The following ETV6 variants were observed in gnomAD, a reference collection of about 807,000 sequenced individuals.
ETV6 encodes ETS variant transcription factor 6, also known as transcription factor ETV6.
In ETV6, 16 loss-of-function variants were observed where a neutral mutation model predicts 51.1. The ratio of observed to expected loss-of-function variants is 0.31; its 90% CI spans 0.21 to 0.48. ETV6 has a LOEUF of 0.48. Among genes scored for constraint, ETV6 ranks in the 20% least tolerant of loss-of-function variants. The pLI, the probability that ETV6 is intolerant of heterozygous loss-of-function variation, is 0.99. For missense variants in ETV6, 458 were observed against 594.8 expected (o/e 0.77, Z 2.39); for synonymous variants, 240 against 224.1 (o/e 1.07, Z -0.64).
At chr12:11,776,976 C>T (rs1011859290) in intron 2 of ETV6, among the ~76,000 whole-genome samples, 1 of 152,180 alleles carries the variant, frequency 6.6e-6, no homozygotes, top group Non-Finnish European at 1.5e-5. Context: ...CAGTGGCTCA[C>T]GCCTGTAATC....
At chr12:11,781,326 C>T (rs1945410723) in intron 2 of ETV6, among the ~76,000 whole-genome samples, 1 of 152,188 alleles carries the variant, frequency 6.6e-6, no homozygotes, top group Non-Finnish European at 1.5e-5. Context: ...AAGTACTTCC[C>T]TGCCCCCTTT....
In ETV6 at chr12:11,817,990, G is replaced by A. The variant is rs923039942; in HGVS notation, c.164-21150G>A. Among the ~76,000 whole-genome samples the A allele has an allele frequency of 3.9e-5, 6 of 152,182 alleles. No homozygotes were observed. The East Asian group carries it at 9.6e-4, about 24-fold the overall frequency. On this transcript the variant is annotated intron_variant, in intron 2 of 7. Coordinates refer to ENST00000396373, the MANE Select transcript of ETV6 (RefSeq NM_001987.5). ...ATGTGAGTTTCCACATGCAAGGAGG[G>A]AGGAAAAGCATGTTGCAGACAGACG...
chr12:11,712,284 C>T (rs1289848679), intron 1 of ETV6, among the ~76,000 whole-genome samples: 1 of 152,162 alleles, frequency 6.6e-6, no homozygotes, highest in African/African-American at 2.4e-5. Context: ...ATTGCAATTA[C>T]AAACATTTCA....
At chr12:11,800,287 G>A (rs1945728012) in intron 2 of ETV6, among the ~76,000 whole-genome samples, 1 of 151,866 alleles carries the variant, frequency 6.6e-6, no homozygotes, top group South Asian at 2.1e-4. Flanking sequence ...TTTTTCATTG[G>A]CAGATAAAAG....
intron 3 of ETV6, among the ~76,000 whole-genome samples, chr12:11,852,901 T>C (rs964535558): frequency 6.6e-6 from 1 of 152,172 alleles, no homozygotes; most frequent in Admixed American, 6.6e-5. Context: ...TAAAACATTT[T>C]TGGGGCCGTG....
At chr12:11,714,494 T>G (rs1181346844) in intron 1 of ETV6, among the ~76,000 whole-genome samples, 1 of 152,056 alleles carries the variant, frequency 6.6e-6, no homozygotes, top group Admixed American at 6.5e-5. Context: ...TGAAACCAAT[T>G]AAGTAAATAA....
Position 11,649,906 on chromosome 12 carries a change from C to T in ETV6, c.-222C>T, listed in dbSNP as rs1458542805. 1 of 172,832 alleles carries T rather than the reference C, an allele frequency of 5.8e-6. No individual in the cohort carries two copies. Among genetic ancestry groups the T allele is most frequent in the Non-Finnish European group, 1.2e-5 (1 of 82,924 alleles). 10.7% of individuals were successfully genotyped at this position (172,832 alleles called of 1,614,324 possible). On this transcript the variant is annotated 5_prime_UTR_variant, in exon 1 of 8. Coordinates refer to ENST00000396373, the MANE Select transcript of ETV6 (RefSeq NM_001987.5). ...GACCTGCAGACCCCGCCGCCGCGCTCGGGCCCGTCTCCCACGCCCCCGCCG... is the reference window on the plus strand; with the variant it reads ...GACCTGCAGACCCCGCCGCCGCGCTTGGGCCCGTCTCCCACGCCCCCGCCG...
intron 5 of ETV6, among the ~76,000 whole-genome samples, chr12:11,873,062 T>G (rs925150054): frequency 1.3e-5 from 2 of 152,218 alleles, no homozygotes; most frequent in Non-Finnish European, 2.9e-5. Context: ...TAACACAATG[T>G]CCTAAAACTA....
chr12:11,816,213 A>C (rs547488478), intron 2 of ETV6, among the ~76,000 whole-genome samples: 2 of 152,202 alleles, frequency 1.3e-5, no homozygotes, highest in Non-Finnish European at 2.9e-5. Flanking sequence ...AAGCCTCTGA[A>C]AATATTTAAG....
At chr12:11,763,741 A>G (rs1416427091) in intron 2 of ETV6, among the ~76,000 whole-genome samples, 1 of 152,262 alleles carries the variant, frequency 6.6e-6, no homozygotes, top group Non-Finnish European at 1.5e-5. Context: ...CGGGGAAAAG[A>G]ACTTGAAATA....
At chr12:11,735,775 T>C (rs1865692875) in intron 1 of ETV6, among the ~76,000 whole-genome samples, 1 of 152,202 alleles carries the variant, frequency 6.6e-6, no homozygotes, top group African/African-American at 2.4e-5. Flanking sequence ...ATTTTTGGTA[T>C]TTTTAGTAGA....
chr12:11,825,390 TGAA>T (rs1565540489), intron 2 of ETV6, among the ~76,000 whole-genome samples: 1 of 152,156 alleles, frequency 6.6e-6, no homozygotes, highest in African/African-American at 2.4e-5. Flanking sequence ...TGACAAATAT[TGAA>T]GAACGGCAAA....
At chr12:11,740,939 C>T (rs1003847800) in intron 1 of ETV6, among the ~76,000 whole-genome samples, 50 of 152,160 alleles carry the variant, frequency 3.3e-4, no homozygotes, top group African/African-American at 1.2e-3. Flanking sequence ...ACCTCAATTT[C>T]TACATCTGTG....
chr12:11,855,965 G>C (rs559666639), intron 4 of ETV6, among the ~76,000 whole-genome samples: 3 of 152,214 alleles, frequency 2.0e-5, no homozygotes, highest in South Asian at 2.1e-4. Context: ...AGATACAAAG[G>C]GTATGTGATG....
At chr12:11,788,294 A>G (rs1945519038) in intron 2 of ETV6, among the ~76,000 whole-genome samples, 1 of 152,174 alleles carries the variant, frequency 6.6e-6, no homozygotes, top group Non-Finnish European at 1.5e-5. Flanking sequence ...TGTGGCTGGT[A>G]ATTATACTAA....
At chr12:11,874,902 C>T (rs376615835) in intron 5 of ETV6, among the ~76,000 whole-genome samples, 7 of 99,346 alleles carry the variant, frequency 7.0e-5, no homozygotes, top group Admixed American at 2.7e-4. Flanking sequence ...GTTATGGGGT[C>T]GGGGGAGGGG....
At chr12:11,714,408 G>T (rs184239326) in intron 1 of ETV6, among the ~76,000 whole-genome samples, 1 of 152,240 alleles carries the variant, frequency 6.6e-6, no homozygotes, top group East Asian at 1.9e-4. Flanking sequence ...ACTAATCAAA[G>T]ATATTGTGAT....
intron 2 of ETV6, among the ~76,000 whole-genome samples, chr12:11,829,669 A>T (rs1466957869): frequency 6.6e-6 from 1 of 152,310 alleles, no homozygotes; most frequent in African/African-American, 2.4e-5. Flanking sequence ...AGTCAGAAAA[A>T]TCCACAAAAT....
At chr12:11,650,481 T>A (rs1376856847) in intron 1 of ETV6, among the ~76,000 whole-genome samples, 6 of 43,326 alleles carry the variant, frequency 1.4e-4, no homozygotes, top group Admixed American at 3.4e-4. Flanking sequence ...TTAGTGCGCT[T>A]AAAAAAAAAA....
Sources: allele counts gnomAD v4.1 joint callset (sites outside exome capture counted in the v4.1 genomes callset), GRCh38; gene constraint gnomAD v4.1.1; transcripts MANE v1.5; gene names NCBI Gene and HGNC (gene_info 2026-07-23, HGNC 2026-07-21).